NHS: variants seen among roughly 807,000 people sequenced by gnomAD.
NHS encodes the protein actin remodeling regulator NHS.
Under a neutral mutation model 72.5 loss-of-function variants are expected in NHS, and 5 were observed. That is an observed-to-expected ratio of 0.07 (90% CI 0.04 to 0.14). NHS has a LOEUF of 0.14. Ranked by LOEUF, NHS falls within the 10% of genes least tolerant of loss-of-function variation. NHS has a pLI of 1.00. For synonymous variants in NHS, 464 were observed against 547.7 expected, an observed-to-expected ratio of 0.85 and a Z score of 2.13; for missense variants, 1,072 against 1,355.7, an observed-to-expected ratio of 0.79 and a Z score of 3.29.
intron 1 of NHS, among the ~76,000 whole-genome samples, chrX:17,537,112 A>C (rs1202611831): frequency 8.9e-6 from 1 of 112,522 alleles, no homozygotes; most frequent in Non-Finnish European, 1.9e-5. Flanking sequence ...TTACAAAAAA[A>C]GGATAAGTGG....
At chrX:17,503,150 G>A (rs1455244561) in intron 1 of NHS, among the ~76,000 whole-genome samples, 9 of 112,532 alleles carry the variant, frequency 8.0e-5, no homozygotes, top group African/African-American at 2.9e-4. Flanking sequence ...GACACAACAT[G>A]TGTTTCTAGA....
intron 1 of NHS, among the ~76,000 whole-genome samples, chrX:17,572,491 C>CTTTTTT (rs760577193): frequency 9.6e-4 from 45 of 46,763 alleles, no homozygotes; most frequent in African/African-American, 1.6e-3. Flanking sequence ...GCAACCCCTG[C>CTTTTTT]TTTTTTTTTT....
chrX:17,634,651 T>C (rs2065836128), intron 1 of NHS, among the ~76,000 whole-genome samples: 1 of 104,620 alleles, frequency 9.6e-6, no homozygotes, highest in African/African-American at 3.5e-5. Flanking sequence ...TGAGTATTCT[T>C]GCTATGCGCT....
chrX:17,673,729 C>G (rs2066063498), intron 1 of NHS, among the ~76,000 whole-genome samples: 1 of 111,967 alleles, frequency 8.9e-6, no homozygotes, highest in African/African-American at 3.3e-5. Flanking sequence ...CAGACTCATT[C>G]TAACCTTCAT....
chrX:17,669,050 G>A (rs1329193891), intron 1 of NHS, among the ~76,000 whole-genome samples: 1 of 112,247 alleles, frequency 8.9e-6, no homozygotes, highest in Non-Finnish European at 1.9e-5. Flanking sequence ...ACATTGGCAA[G>A]GCAAGAAGCA....
At chrX:17,446,599 ACT>A (rs1281053217) in intron 1 of NHS, among the ~76,000 whole-genome samples, 3 of 106,349 alleles carry the variant, frequency 2.8e-5, no homozygotes, top group Non-Finnish European at 5.8e-5. Flanking sequence ...CCTTTCGCTA[ACT>A]CTCTTTTCAG....
In NHS at chrX:17,719,214, GGGAA is replaced by G. The variant is rs1183546061; in HGVS notation, c.853-112_853-109del. The G allele has an allele frequency of 6.2e-4, 306 of 497,036 alleles. 1 individual carries two copies. Among genetic ancestry groups the G allele is most frequent in the South Asian group, 3.9e-3 (116 of 29,403 alleles). 41.0% of individuals were successfully genotyped at this position (497,036 alleles called of 1,213,427 possible). On this transcript the variant is annotated intron_variant, in intron 3 of 8. Coordinates refer to ENST00000676302, the MANE Select transcript of NHS (RefSeq NM_001291867.2). ...GAAAGAAGGAATGAAGGAGGAAGGA[GGGAA>G]GGAAGGAAGGAAGGAAGTTATCCCA...
chrX:17,724,169 C>T, intron 5 of NHS, 130 bp from the exon 6 acceptor site: 1 of 795,779 alleles, frequency 1.3e-6, no homozygotes, highest in Admixed American at 2.3e-5. Flanking sequence ...AATAACAGCT[C>T]CCTTATATTT....
intron 1 of NHS, among the ~76,000 whole-genome samples, chrX:17,503,000 A>T (rs1343704186): frequency 9.0e-6 from 1 of 111,619 alleles, no homozygotes; most frequent in Non-Finnish European, 1.9e-5. Context: ...CTGAGTCTAC[A>T]GTTCCCACCT....
chrX:17,404,830 T>TCC (rs770495084), intron 1 of NHS, among the ~76,000 whole-genome samples: 1 of 109,692 alleles, frequency 9.1e-6, no homozygotes, highest in East Asian at 2.9e-4. Context: ...TCTCTCTCTC[T>TCC]CCGTGGCAAT....
At chrX:17,615,241 T>TATATATACAC (rs1157873744) in intron 1 of NHS, among the ~76,000 whole-genome samples, 1 of 91,491 alleles carries the variant, frequency 1.1e-5, no homozygotes, top group East Asian at 3.1e-4. Flanking sequence ...TATATACGTA[T>TATATATACAC]ATATATACAC....
chrX:17,434,276 C>G (rs773566851), intron 1 of NHS, among the ~76,000 whole-genome samples: 1 of 111,468 alleles, frequency 9.0e-6, no homozygotes, highest in South Asian at 3.8e-4. Context: ...ACTAGTCAAT[C>G]TCTGCCAGAA....
chrX:17,445,565 A>T (rs900410035), intron 1 of NHS, among the ~76,000 whole-genome samples: 21 of 111,097 alleles, frequency 1.9e-4, no homozygotes, highest in African/African-American at 6.9e-4. Flanking sequence ...TGGCAGAGTT[A>T]AGACTTGAGT....
Position 17,467,799 on chromosome X carries a change from A to G in NHS, c.565+91477A>G, listed in dbSNP as rs759716179. On this transcript the variant is annotated intron_variant, in intron 1 of 8. Coordinates refer to ENST00000676302, the MANE Select transcript of NHS (RefSeq NM_001291867.2). ...CTGAAGGGATCATTTGATCAGATCT[A>G]TGGTATGTAGGTGAAACTGGGATAA... 1.2e-4 allele frequency among the ~76,000 whole-genome samples: 13 copies of G among 111,776 alleles called. No homozygotes were observed. The South Asian group carries it at 3.0e-3, about 26-fold the overall frequency.
At chrX:17,418,037 C>T (rs762908833) in intron 1 of NHS, among the ~76,000 whole-genome samples, 13 of 111,782 alleles carry the variant, frequency 1.2e-4, no homozygotes, top group Non-Finnish European at 2.4e-4. Context: ...ATTGCAAAGT[C>T]CTGGAAAAGC....
intron 1 of NHS, among the ~76,000 whole-genome samples, chrX:17,502,428 C>G (rs1320637192): frequency 8.9e-6 from 1 of 111,839 alleles, no homozygotes; most frequent in Non-Finnish European, 1.9e-5. Context: ...TTTCAGCATT[C>G]AGGCTGAAAC....
intron 1 of NHS, among the ~76,000 whole-genome samples, chrX:17,621,482 G>A (rs1028647629): frequency 8.9e-6 from 1 of 112,106 alleles, no homozygotes; most frequent in Non-Finnish European, 1.9e-5. Context: ...AAGAACACAA[G>A]GAAAGGCAGG....
intron 1 of NHS, among the ~76,000 whole-genome samples, chrX:17,531,323 G>C (rs7879135): frequency 0.37 from 38,473 of 105,140 alleles, 6,919 homozygotes; most frequent in African/African-American, 0.66. Flanking sequence ...ATTGCAAGCT[G>C]GAAGTGGGCC....
chrX:17,703,934 T>C (rs181811037), intron 3 of NHS, among the ~76,000 whole-genome samples: 1 of 111,938 alleles, frequency 8.9e-6, no homozygotes, highest in East Asian at 2.8e-4. Context: ...AGAGCAGCCA[T>C]TGTGGTGGCA....
Sources: allele counts gnomAD v4.1 joint callset (sites outside exome capture counted in the v4.1 genomes callset), GRCh38; gene constraint gnomAD v4.1.1; transcripts MANE v1.5; gene names NCBI Gene and HGNC (gene_info 2026-07-23, HGNC 2026-07-21).